Variants in CDH10 observed in about 807,000 individuals in gnomAD.
The protein encoded by CDH10 is cadherin-10.
Under a neutral mutation model 73.1 loss-of-function variants are expected in CDH10, and 30 were observed. The ratio of observed to expected loss-of-function variants is 0.41; its 90% confidence interval spans 0.31 to 0.56. The LOEUF (loss-of-function observed/expected upper bound fraction) is 0.56. CDH10 is among the 20% of genes least tolerant of loss of function. The pLI, the probability that CDH10 is intolerant of heterozygous loss-of-function variation, is 0.27. For missense variants in CDH10, 815 were observed against 973.7 expected, an observed-to-expected ratio of 0.84 and a Z score of 2.17; for synonymous variants, 345 against 348.2, an observed-to-expected ratio of 0.99 and a Z score of 0.10.
At chr5:24,530,373 T>C (rs1244800918) in intron 5 of CDH10, among the ~76,000 whole-genome samples, 1 of 151,986 alleles carries the variant, frequency 6.6e-6, no homozygotes, top group African/African-American at 2.4e-5. Context: ...CCTACAATGA[T>C]CAGGTTTCAG....
chr5:24,596,563 A>G (rs1201294766), intron 1 of CDH10, among the ~76,000 whole-genome samples: 1 of 152,010 alleles, frequency 6.6e-6, no homozygotes, highest in East Asian at 1.9e-4. Flanking sequence ...AAATTTTTGA[A>G]CATGTCTACC....
At chr5:24,507,160 C>CGGGAAG (rs1742726675) in intron 7 of CDH10, among the ~76,000 whole-genome samples, 2 of 151,884 alleles carry the variant, frequency 1.3e-5, no homozygotes, top group Non-Finnish European at 2.9e-5. Context: ...ATGATCCTTC[C>CGGGAAG]CATAACAACA....
intron 2 of CDH10, among the ~76,000 whole-genome samples, chr5:24,572,146 G>A (rs1424401377): frequency 6.6e-6 from 1 of 152,072 alleles, no homozygotes; most frequent in Non-Finnish European, 1.5e-5. Flanking sequence ...AGCTCTGTCT[G>A]AAGAAGAAAT....
intron 1 of CDH10, among the ~76,000 whole-genome samples, chr5:24,642,787 A>G (rs1052435127): frequency 1.3e-5 from 2 of 151,996 alleles, no homozygotes; most frequent in Non-Finnish European, 2.9e-5. Context: ...CATTTCCCAG[A>G]GATTTTGGTT....
intron 2 of CDH10, among the ~76,000 whole-genome samples, chr5:24,579,982 T>C (rs1235657031): frequency 1.3e-5 from 2 of 152,154 alleles, no homozygotes; most frequent in African/African-American, 2.4e-5. Flanking sequence ...TCCCTAATGC[T>C]CTATCGCTTC....
intron 2 of CDH10, chr5:24,553,967 G>C (rs982951555): frequency 1.3e-5 from 2 of 151,816 alleles, no homozygotes; most frequent in Non-Finnish European, 2.9e-5. Context: ...AATTTCAGGA[G>C]CTCCCACTGG....
chr5:24,524,775 CG>C (rs1391830161), intron 5 of CDH10, among the ~76,000 whole-genome samples: 1 of 152,032 alleles, frequency 6.6e-6, no homozygotes, highest in East Asian at 1.9e-4. Context: ...AAGGTAACAT[CG>C]CAAAGAAAGC....
At chr5:24,574,469 T>C (rs1052084011) in intron 2 of CDH10, among the ~76,000 whole-genome samples, 4 of 152,030 alleles carry the variant, frequency 2.6e-5, no homozygotes, top group Non-Finnish European at 5.9e-5. Flanking sequence ...AAACCAAATA[T>C]GACATTCTTG....
intron 9 of CDH10, among the ~76,000 whole-genome samples, chr5:24,493,141 C>G (rs1224076855): frequency 6.6e-6 from 1 of 151,802 alleles, no homozygotes; most frequent in African/African-American, 2.4e-5. Flanking sequence ...CCCTTTACTT[C>G]AAAATGGTAA....
chr5:24,502,123 G>C (rs550542045), intron 8 of CDH10, among the ~76,000 whole-genome samples: 22 of 151,882 alleles, frequency 1.4e-4, no homozygotes, highest in East Asian at 5.9e-4. Context: ...GGGGTTTCAC[G>C]GTGTTAGCCA....
rs1554023331 is a variant in CDH10 at position 24,584,475 on chromosome 5, TGA to T, written c.231+8783_231+8784del. ...TTTTTTTTTTTTTTTTGTGTGTGTG[TGA>T]GAGAGAGAGAGAGAGAGAGAGTCTT... is the stretch of plus-strand genomic sequence containing the variant. On this transcript the variant is annotated intron_variant, in intron 2 of 11. Transcript: ENST00000264463. 2.3e-3 allele frequency among the ~76,000 whole-genome samples: 180 copies of T among 79,706 alleles called. 1 individual carries two copies. Among genetic ancestry groups the T allele is most frequent in the East Asian group, 8.1e-3 (21 of 2,578 alleles). The allele number at this position is 79,706 out of a possible 152,430, so 52.3% of individuals were successfully genotyped here. A position where few individuals can be genotyped will look rare whatever the true frequency, so the allele number is the denominator to read the frequency against.
At chr5:24,525,372 C>T (rs553082752) in intron 5 of CDH10, among the ~76,000 whole-genome samples, 103 of 151,922 alleles carry the variant, frequency 6.8e-4, no homozygotes, top group African/African-American at 2.4e-3. Flanking sequence ...TTAACTTTAG[C>T]TTAATTTTTT....
At chr5:24,543,383 C>T (rs932380048) in intron 2 of CDH10, among the ~76,000 whole-genome samples, 6 of 151,966 alleles carry the variant, frequency 3.9e-5, no homozygotes, top group African/African-American at 1.2e-4. Context: ...AGATAAATTT[C>T]GATGAATGAA....
At position 24,554,506 on chromosome 5, in the gene CDH10, GTGTGTGTGTGT is replaced by G. The variant is rs1561159571; in HGVS notation, c.232-16843_232-16833del. On this transcript the variant is annotated intron_variant, in intron 2 of 11. Coordinates refer to ENST00000264463, the MANE Select transcript of CDH10 (RefSeq NM_006727.5). ...TGTGTGTGTGTGTGTGTGTGTGTGT[GTGTGTGTGTGT>G]GTGCACGTGCATGATTTTTCTTGAT... Among the ~76,000 whole-genome samples the G allele has an allele frequency of 1.3e-3, 201 of 149,566 alleles. 1 individual carries two copies. Among genetic ancestry groups the G allele is most frequent in the African/African-American group, 4.9e-3 (194 of 39,642 alleles).
chr5:24,584,459 T>G (rs1745913958), intron 2 of CDH10, among the ~76,000 whole-genome samples: 1 of 54,544 alleles, frequency 1.8e-5, no homozygotes, highest in African/African-American at 5.4e-5. Context: ...TTTTTTTTTT[T>G]TTTTTTGTGT....
intron 5 of CDH10, among the ~76,000 whole-genome samples, chr5:24,527,422 T>A (rs1469363155): frequency 6.6e-6 from 1 of 150,936 alleles, no homozygotes; most frequent in Non-Finnish European, 1.5e-5. Flanking sequence ...TATACATACA[T>A]ACACAAAACA....
chr5:24,507,892 T>C (rs1051091052), intron 7 of CDH10, among the ~76,000 whole-genome samples: 3 of 152,146 alleles, frequency 2.0e-5, no homozygotes, highest in African/African-American at 7.2e-5. Context: ...TGTGATGCTG[T>C]GTGTGAATAT....
At chr5:24,633,662 A>T (rs1418071546) in intron 1 of CDH10, among the ~76,000 whole-genome samples, 1 of 151,948 alleles carries the variant, frequency 6.6e-6, no homozygotes, top group Non-Finnish European at 1.5e-5. Context: ...ATTTTAGTTT[A>T]AAAATGATAT....
At chr5:24,510,755 T>A (rs1313672527) in intron 6 of CDH10, among the ~76,000 whole-genome samples, 1 of 152,228 alleles carries the variant, frequency 6.6e-6, no homozygotes, top group African/African-American at 2.4e-5. Flanking sequence ...TTAATGTGCC[T>A]TATTTTTTTC....
Sources: gnomAD v4.1 joint callset for allele counts (sites outside exome capture counted in the v4.1 genomes callset) on GRCh38, gnomAD v4.1.1 for gene constraint, MANE v1.5 for transcripts, NCBI Gene and HGNC (gene_info 2026-07-23, HGNC 2026-07-21) for gene names.